Variants in AFDN observed in about 807,000 individuals in gnomAD.
The protein encoded by AFDN is afadin.
Under a neutral mutation model 216.6 loss-of-function variants are expected in AFDN, and 68 were observed. The observed-to-expected ratio is 0.31, with a 90% CI of 0.26 to 0.38. AFDN has a LOEUF of 0.38. Among genes scored for constraint, AFDN ranks in the 10% least tolerant of loss-of-function variants. AFDN has a pLI of 1.00. For missense variants in AFDN, 2,136 were observed against 2,342.0 expected (o/e 0.91, Z 1.82); for synonymous variants, 868 against 853.7 (o/e 1.02, Z -0.29).
intron 1 of AFDN, among the ~76,000 whole-genome samples, chr6:167,859,348 T>G (rs1783278287): frequency 6.6e-6 from 1 of 152,186 alleles, no homozygotes; most frequent in South Asian, 2.1e-4. Context: ...AAGGCACAGC[T>G]GTATTTTTTT....
chr6:167,947,378 A>G (rs1371698953), intron 27 of AFDN, among the ~76,000 whole-genome samples: 6 of 151,988 alleles, frequency 3.9e-5, no homozygotes, highest in South Asian at 2.1e-4. Context: ...ACGGGGTTTC[A>G]CCATGTTAGC....
At chr6:167,917,275 T>C in intron 20 of AFDN, 43 bp downstream of exon 20, 1 of 1,433,626 alleles carries the variant, frequency 7.0e-7, no homozygotes, top group Non-Finnish European at 9.2e-7. Flanking sequence ...CGGGACATGT[T>C]TGCATGGGGA....
At chr6:167,898,961 T>C (rs553321913) in intron 11 of AFDN, among the ~76,000 whole-genome samples, 9 of 152,280 alleles carry the variant, frequency 5.9e-5, no homozygotes, top group Admixed American at 4.6e-4. Flanking sequence ...TAGTAAAATT[T>C]TTTTGTAGGT....
At position 167,915,360 on chromosome 6, in the gene AFDN, G is replaced by C; in HGVS notation, c.2492G>C (p.Gly831Ala). The change falls in exon 19 of 34, where the codon GGC (glycine) becomes GCC (alanine). Residue 831 changes from glycine to alanine, a missense_variant. Physicochemically the swap from Gly to Ala is moderately conservative, Grantham distance 60 (BLOSUM62 0). Coordinates refer to ENST00000683244, the MANE Select transcript of AFDN (RefSeq NM_001386888.1). ...GGTGCGATTATCCGTCAGCAGTTGG[G>C]CCATATTGAAGCCTGGGCTGAGAAG... Reference protein sequence around the residue: ...YWGAIIRQQLGHIEAWAEKQG... With the variant: ...YWGAIIRQQLAHIEAWAEKQG... 1 of 1,614,220 alleles carries C rather than the reference G, an allele frequency of 6.2e-7. No homozygotes were observed. Among genetic ancestry groups the C allele is most frequent in the South Asian group, 1.1e-5 (1 of 91,084 alleles).
At chr6:167,930,277 G>A (rs755456234) in intron 23 of AFDN, among the ~76,000 whole-genome samples, 11 of 152,144 alleles carry the variant, frequency 7.2e-5, no homozygotes, top group Non-Finnish European at 1.5e-4. Flanking sequence ...TGGATTTGAC[G>A]CTCATGAAAG....
chr6:167,910,385 C>A (rs2128450671), intron 13 of AFDN, among the ~76,000 whole-genome samples: 1 of 152,236 alleles, frequency 6.6e-6, no homozygotes, highest in East Asian at 1.9e-4. Context: ...GATCTGAATA[C>A]CTGGAAATAG....
At chr6:167,958,774 G>A (rs867295983) in intron 30 of AFDN, among the ~76,000 whole-genome samples, 3 of 152,300 alleles carry the variant, frequency 2.0e-5, no homozygotes, top group Non-Finnish European at 1.5e-5. Flanking sequence ...GTATAGAAGG[G>A]GTTGAATTAA....
chr6:167,961,975 G>A (rs1797081332), intron 30 of AFDN, among the ~76,000 whole-genome samples: 1 of 152,192 alleles, frequency 6.6e-6, no homozygotes, highest in Non-Finnish European at 1.5e-5. Context: ...CCTATGCAGA[G>A]GCGAGTGGGG....
intron 1 of AFDN, among the ~76,000 whole-genome samples, chr6:167,858,357 G>C (rs777341461): frequency 3.3e-5 from 5 of 152,218 alleles, no homozygotes; most frequent in Non-Finnish European, 5.9e-5. Context: ...TTCTGGCAGA[G>C]AATTTTGTTT....
chr6:167,953,295 A>T (rs570485927), intron 30 of AFDN, among the ~76,000 whole-genome samples: 5 of 152,240 alleles, frequency 3.3e-5, no homozygotes, highest in African/African-American at 1.2e-4. Flanking sequence ...CTCACAATGA[A>T]ATTTAACCTT....
chr6:167,950,725 A>C (rs533419098), intron 29 of AFDN, among the ~76,000 whole-genome samples: 3 of 152,302 alleles, frequency 2.0e-5, no homozygotes, highest in African/African-American at 7.2e-5. Flanking sequence ...CATTGCTTTG[A>C]AGTCCAAGTC....
At position 167,922,857 on chromosome 6, in the gene AFDN, A is replaced by T; in HGVS notation, c.2910A>T (p.Gly970=). The T allele has an allele frequency of 6.2e-7, 1 of 1,606,868 alleles. No homozygotes were observed. Among genetic ancestry groups the T allele is most frequent in the South Asian group, 1.1e-5 (1 of 89,886 alleles). ...ACAATTTGCTTGTTTCCTCCTTAGG[A>T]TTTTGCAGGTTAATTCCTCACACAC... ...QEFLDPLCQR[G]FCRLIPHTRS... is the part of the protein sequence containing the mutation. Residue 970 remains glycine (G), a splice_region_variant and synonymous_variant, in exon 22 of 34, where the codon GGA becomes GGT. Coordinates refer to ENST00000683244, the MANE Select transcript of AFDN (RefSeq NM_001386888.1).
In AFDN at chr6:167,970,233, A is replaced by G. The variant is rs1381577595; in HGVS notation, c.*298A>G. 2.7e-5 allele frequency: 9 copies of G among 337,826 alleles called. No homozygotes were observed. The highest frequency in any genetic ancestry group is 1.5e-4 in the African/African-American group (7 of 46,616). The allele number at this position is 337,826 out of a possible 1,614,324, so 20.9% of individuals were successfully genotyped here. ...GGAGTCCTGAGTTCAAAGGGGACAGAACTAAGGGCAGGAGAAGAGAATGGA... is the reference window on the plus strand; with the variant it reads ...GGAGTCCTGAGTTCAAAGGGGACAGGACTAAGGGCAGGAGAAGAGAATGGA... On this transcript the variant is annotated 3_prime_UTR_variant, in exon 34 of 34. Transcript: ENST00000683244.
chr6:167,956,681 G>C (rs1252083176), intron 30 of AFDN, among the ~76,000 whole-genome samples: 1 of 152,146 alleles, frequency 6.6e-6, no homozygotes, highest in Non-Finnish European at 1.5e-5. Flanking sequence ...TCATCATTCT[G>C]CCTTCAGCCT....
chr6:167,844,234 T>G (rs1171466140), intron 1 of AFDN, among the ~76,000 whole-genome samples: 1 of 151,154 alleles, frequency 6.6e-6, no homozygotes, highest in African/African-American at 2.4e-5. Flanking sequence ...AGATGAGATC[T>G]TGCTGTGTTG....
intron 23 of AFDN, among the ~76,000 whole-genome samples, chr6:167,927,447 C>T (rs1250579641): frequency 1.3e-5 from 2 of 152,062 alleles, no homozygotes; most frequent in African/African-American, 4.8e-5. Context: ...GAGTCTGTGC[C>T]TTATCTTGTA....
rs140873673 is a variant in AFDN, at chr6:167,849,044, T to C, written c.106-15507T>C. Reference sequence around the variant, plus strand: ...GAGTATGAATTCTGGCCCACTGGTATTAGCTCTGTGAACATGGTCCACTTA... The same window carrying C: ...GAGTATGAATTCTGGCCCACTGGTACTAGCTCTGTGAACATGGTCCACTTA... On this transcript the variant is annotated intron_variant, in intron 1 of 33. Transcript: ENST00000683244. Among the ~76,000 whole-genome samples the C allele has an allele frequency of 3.3e-3, 496 of 152,308 alleles. 3 individuals carry two copies. Among genetic ancestry groups the C allele is most frequent in the African/African-American group, 0.011 (454 of 41,572 alleles).
chr6:167,887,443 C>CTT (rs1233534960), intron 6 of AFDN, among the ~76,000 whole-genome samples: 3 of 126,084 alleles, frequency 2.4e-5, no homozygotes, highest in Non-Finnish European at 3.4e-5. Context: ...CTCAGCTTGC[C>CTT]TTTTTTTTTT....
At chr6:167,890,160 A>G (rs1014256496) in intron 7 of AFDN, among the ~76,000 whole-genome samples, 4 of 152,238 alleles carry the variant, frequency 2.6e-5, no homozygotes, top group Admixed American at 6.5e-5. Flanking sequence ...AATCGTGTCA[A>G]TATGGAATGT....
Sources: gnomAD v4.1 joint callset for allele counts (sites outside exome capture counted in the v4.1 genomes callset) on GRCh38, gnomAD v4.1.1 for gene constraint, MANE v1.5 for transcripts, NCBI Gene and HGNC (gene_info 2026-07-23, HGNC 2026-07-21) for gene names.